RAB3B: variants seen among roughly 807,000 people sequenced by gnomAD.
RAB3B encodes the protein ras-related protein Rab-3B.
A neutral mutation model predicts 20.5 loss-of-function variants in RAB3B; 11 were observed. The observed-to-expected ratio is 0.54, with a 90% CI of 0.34 to 0.89. The LOEUF (loss-of-function observed/expected upper bound fraction) is 0.89. Ranked by LOEUF, RAB3B falls within the 40% of genes least tolerant of loss-of-function variation. The pLI is 0.02. For synonymous variants in RAB3B, 99 were observed against 106.3 expected, an observed-to-expected ratio of 0.93 and a Z score of 0.42; for missense variants, 225 against 280.9, an observed-to-expected ratio of 0.80 and a Z score of 1.42.
chr1:51,947,753 C>A (rs1684584803), intron 2 of RAB3B, among the ~76,000 whole-genome samples: 1 of 152,126 alleles, frequency 6.6e-6, no homozygotes, highest in South Asian at 2.1e-4. Context: ...CTCCCAGCTT[C>A]TCTGCTTGTC....
At chr1:51,977,171 T>C in intron 1 of RAB3B, 54 bp from the exon 2 acceptor site, 2 of 1,359,880 alleles carry the variant, frequency 1.5e-6, no homozygotes, top group Non-Finnish European at 2.1e-6. Context: ...TCACCCTGAG[T>C]CACCATCCTT....
intron 1 of RAB3B, among the ~76,000 whole-genome samples, chr1:51,986,337 A>G (rs1202044029): frequency 6.6e-6 from 1 of 151,786 alleles, no homozygotes; most frequent in Non-Finnish European, 1.5e-5. Flanking sequence ...TTTTTACTAG[A>G]GATGGGGTTT....
At chr1:51,972,355 C>T (rs1010415670) in intron 2 of RAB3B, among the ~76,000 whole-genome samples, 2 of 152,166 alleles carry the variant, frequency 1.3e-5, no homozygotes, top group African/African-American at 2.4e-5. Context: ...TCTCTCTCTT[C>T]ATTTCCATCC....
chr1:51,968,235 C>G (rs1175276766), intron 2 of RAB3B, among the ~76,000 whole-genome samples: 1 of 152,206 alleles, frequency 6.6e-6, no homozygotes, highest in Non-Finnish European at 1.5e-5. Flanking sequence ...AGACTTCCGA[C>G]CTCCAGAACT....
chr1:51,938,456 A>G (rs749986876), intron 2 of RAB3B, among the ~76,000 whole-genome samples: 4 of 152,168 alleles, frequency 2.6e-5, no homozygotes, highest in Admixed American at 2.0e-4. Flanking sequence ...TCATCAACTT[A>G]TATATTCAAC....
chr1:51,930,768 C>A (rs1016768624), intron 4 of RAB3B, among the ~76,000 whole-genome samples: 1 of 152,176 alleles, frequency 6.6e-6, no homozygotes, highest in Non-Finnish European at 1.5e-5. Context: ...ATAATCCCAG[C>A]ACTTTGGGAG....
rs1486103665 is a variant in RAB3B at position 51,912,366 on chromosome 1, A to G, written c.*7561T>C. 6.7e-6 allele frequency: 1 copy of G among 148,620 alleles called. No individual in the cohort carries two copies. The highest frequency in any genetic ancestry group is 6.7e-5 in the Admixed American group (1 of 14,924). The allele number at this position is 148,620 out of a possible 1,614,324, so 9.2% of individuals were successfully genotyped here. On this transcript the variant is annotated 3_prime_UTR_variant, in exon 5 of 5. Coordinates refer to ENST00000371655, the MANE Select transcript of RAB3B (RefSeq NM_002867.4). ...CAAGGTTTGGATTGTTTTTGTGTGA[A>G]GTAAACCTCAGTGTTACTGAGCCGT...
chr1:51,983,432 C>T (rs750541061), intron 1 of RAB3B, among the ~76,000 whole-genome samples: 1 of 152,120 alleles, frequency 6.6e-6, no homozygotes, highest in Non-Finnish European at 1.5e-5. Context: ...AATACAGTAA[C>T]ATGCTGTACA....
At chr1:51,948,807 G>T (rs552659065) in intron 2 of RAB3B, among the ~76,000 whole-genome samples, 2 of 152,176 alleles carry the variant, frequency 1.3e-5, no homozygotes, top group South Asian at 2.1e-4. Context: ...ATTTGATTAA[G>T]GTCTGTCTCC....
At chr1:51,940,888 A>G (rs562534409) in intron 2 of RAB3B, among the ~76,000 whole-genome samples, 1 of 152,092 alleles carries the variant, frequency 6.6e-6, no homozygotes, top group South Asian at 2.1e-4. Flanking sequence ...ACCAGAGGGG[A>G]AAAAAGTATG....
At chr1:51,967,195 C>T (rs1226090223) in intron 2 of RAB3B, among the ~76,000 whole-genome samples, 1 of 152,086 alleles carries the variant, frequency 6.6e-6, no homozygotes, top group Non-Finnish European at 1.5e-5. Context: ...TGCCTGTAAT[C>T]CCAGCTATTC....
chr1:51,947,313 T>C (rs1379574019), intron 2 of RAB3B, among the ~76,000 whole-genome samples: 2 of 151,982 alleles, frequency 1.3e-5, no homozygotes, highest in African/African-American at 4.8e-5. Flanking sequence ...GGAGGATCAC[T>C]TGAGGCCAGG....
intron 1 of RAB3B, among the ~76,000 whole-genome samples, chr1:51,987,095 A>G (rs1437946766): frequency 1.3e-5 from 2 of 152,226 alleles, no homozygotes; most frequent in Admixed American, 1.3e-4. Context: ...TGACTCCTCA[A>G]AGGGTGGCTG....
chr1:51,988,993 C>T (rs944933997), intron 1 of RAB3B, among the ~76,000 whole-genome samples: 2 of 151,402 alleles, frequency 1.3e-5, no homozygotes, highest in Non-Finnish European at 2.9e-5. Context: ...TCTTCTCTGG[C>T]TCCCACAGGG....
intron 2 of RAB3B, among the ~76,000 whole-genome samples, chr1:51,959,268 T>C (rs1331898642): frequency 6.6e-6 from 1 of 151,990 alleles, no homozygotes; most frequent in Non-Finnish European, 1.5e-5. Context: ...GCCTGTAATC[T>C]CAGCACTTTA....
chr1:51,953,432 G>T (rs1684666339), intron 2 of RAB3B, among the ~76,000 whole-genome samples: 1 of 152,184 alleles, frequency 6.6e-6, no homozygotes, highest in Middle Eastern at 3.2e-3. Context: ...CAAGCAAAAG[G>T]AAATGAACAG....
Position 51,912,601 on chromosome 1 carries a change from A to G in RAB3B, c.*7326T>C, listed in dbSNP as rs200806238. 20 of 26,886 alleles carry G rather than the reference A, an allele frequency of 7.4e-4. 1 individual carries two copies. The highest frequency in any genetic ancestry group is 1.6e-3 in the South Asian group (1 of 616). The allele number at this position is 26,886 out of a possible 1,614,324, so 1.7% of individuals were successfully genotyped here. On this transcript the variant is annotated 3_prime_UTR_variant, in exon 5 of 5. Coordinates refer to ENST00000371655, the MANE Select transcript of RAB3B (RefSeq NM_002867.4). ...TATATATATATATATATATATATAT[A>G]AAAAATGTTACTCCTGTGAGACAGA... is the stretch of plus-strand genomic sequence containing the variant.
Position 51,911,798 on chromosome 1 carries a change from G to A in RAB3B, c.*8129C>T, listed in dbSNP as rs1684001938. ...CTCAAATGGAAAAAGAATAGGTCCA[G>A]CTTTTTATAAAAATCTTAGGGAAGG... On this transcript the variant is annotated 3_prime_UTR_variant, in exon 5 of 5. Coordinates refer to ENST00000371655, the MANE Select transcript of RAB3B (RefSeq NM_002867.4). 2.0e-5 allele frequency: 3 copies of A among 152,138 alleles called. No homozygotes were observed. Among genetic ancestry groups the A allele is most frequent in the Admixed American group, 2.0e-4 (3 of 15,258 alleles). 9.4% of individuals were successfully genotyped at this position (152,138 alleles called of 1,614,324 possible). A position where few individuals can be genotyped will look rare whatever the true frequency, so the allele number is the denominator to read the frequency against.
chr1:51,964,216 C>T (rs1177277866), intron 2 of RAB3B, among the ~76,000 whole-genome samples: 1 of 152,196 alleles, frequency 6.6e-6, no homozygotes, highest in African/African-American at 2.4e-5. Flanking sequence ...CTAAATACAG[C>T]AGTCAATCCT....
Sources: gnomAD v4.1 joint callset for allele counts (sites outside exome capture counted in the v4.1 genomes callset) on GRCh38, gnomAD v4.1.1 for gene constraint, MANE v1.5 for transcripts, NCBI Gene and HGNC (gene_info 2026-07-23, HGNC 2026-07-21) for gene names.